Variants in TBC1D12 observed in about 807,000 individuals in gnomAD.
The protein encoded by TBC1D12 is TBC1 domain family member 12, also known as TBC1 domain family, member 12.
In TBC1D12, 56 loss-of-function variants were observed where a neutral mutation model predicts 86.7. That is an observed-to-expected ratio of 0.65 (90% CI 0.52 to 0.81). The LOEUF is 0.81. Among genes scored for constraint, TBC1D12 ranks in the 30% least tolerant of loss-of-function variants. The pLI is 0.00. For missense variants in TBC1D12, 1,023 were observed against 1,038.8 expected (o/e 0.98, Z 0.21); for synonymous variants, 421 against 411.7 (o/e 1.02, Z -0.27).
intron 2 of TBC1D12, among the ~76,000 whole-genome samples, chr10:94,460,107 C>T (rs2055702317): frequency 6.6e-6 from 1 of 152,106 alleles, no homozygotes; most frequent in South Asian, 2.1e-4. Context: ...TGGCACATGC[C>T]TGTAATCCCA....
At chr10:94,484,360 G>T (rs150219431) in intron 3 of TBC1D12, among the ~76,000 whole-genome samples, 2,095 of 150,990 alleles carry the variant, frequency 0.014, 56 homozygotes, top group African/African-American at 0.046. Flanking sequence ...CGATTCTCCT[G>T]CCTCAGCCTC....
At chr10:94,521,221 C>CAAAAAAAAAAA (rs1294257279) in intron 9 of TBC1D12, among the ~76,000 whole-genome samples, 42 of 48,394 alleles carry the variant, frequency 8.7e-4, no homozygotes, top group East Asian at 1.8e-3. Flanking sequence ...AAAAAGAAAC[C>CAAAAAAAAAAA]AAAAAAAAAA....
intron 3 of TBC1D12, among the ~76,000 whole-genome samples, chr10:94,487,665 GT>G (rs2056185945): frequency 8.0e-6 from 1 of 125,194 alleles, no homozygotes; most frequent in South Asian, 2.6e-4. Flanking sequence ...ACTTTTTGTT[GT>G]TTCTTTTTTT....
intron 5 of TBC1D12, among the ~76,000 whole-genome samples, chr10:94,499,204 A>G (rs1284126881): frequency 6.6e-6 from 1 of 152,190 alleles, no homozygotes; most frequent in Non-Finnish European, 1.5e-5. Context: ...ATTTTGAAAC[A>G]TACAGTTCAT....
At chr10:94,519,000 G>A (rs1842073501) in intron 9 of TBC1D12, among the ~76,000 whole-genome samples, 1 of 152,162 alleles carries the variant, frequency 6.6e-6, no homozygotes, top group Non-Finnish European at 1.5e-5. Context: ...ACTTTAACCT[G>A]GGAGGGGAAG....
chr10:94,411,624 C>T (rs749519212), intron 1 of TBC1D12, among the ~76,000 whole-genome samples: 10 of 152,202 alleles, frequency 6.6e-5, no homozygotes, highest in East Asian at 1.9e-4. Flanking sequence ...TCACAGCCTC[C>T]GCCTAGTCAG....
At chr10:94,475,014 AAGTGATCCTCCTGCCTC>A (rs1334493987) in intron 3 of TBC1D12, among the ~76,000 whole-genome samples, 8 of 152,130 alleles carry the variant, frequency 5.3e-5, no homozygotes, top group South Asian at 2.1e-4. Context: ...TCTCAAACTC[AAGTGATCCTCCTGCCTC>A]AGTCTCCCCT....
At chr10:94,500,782 G>A (rs1368546489) in intron 6 of TBC1D12, among the ~76,000 whole-genome samples, 3 of 151,978 alleles carry the variant, frequency 2.0e-5, no homozygotes, top group African/African-American at 7.2e-5. Flanking sequence ...TAGGCCGGGC[G>A]CAGTGGCTCA....
intron 1 of TBC1D12, among the ~76,000 whole-genome samples, chr10:94,409,048 A>C (rs1243674323): frequency 1.3e-5 from 2 of 152,194 alleles, no homozygotes; most frequent in African/African-American, 4.8e-5. Context: ...TTGTGAAGCT[A>C]CCATTATGTT....
At chr10:94,454,402 G>T (rs946766854) in intron 2 of TBC1D12, among the ~76,000 whole-genome samples, 8 of 152,074 alleles carry the variant, frequency 5.3e-5, no homozygotes, top group African/African-American at 1.9e-4. Context: ...GTAGAGACAG[G>T]GTTTCTCCAT....
chr10:94,430,072 A>C (rs1303196109), intron 1 of TBC1D12, among the ~76,000 whole-genome samples: 1 of 151,950 alleles, frequency 6.6e-6, no homozygotes, highest in Admixed American at 6.6e-5. Context: ...ATTTCTAAAA[A>C]AATAGATGGT....
chr10:94,490,767 AG>A (rs2056234781), intron 3 of TBC1D12, among the ~76,000 whole-genome samples: 1 of 152,056 alleles, frequency 6.6e-6, no homozygotes, highest in Admixed American at 6.6e-5. Context: ...CTCACTACTG[AG>A]GCATTATTCT....
intron 1 of TBC1D12, among the ~76,000 whole-genome samples, chr10:94,426,722 G>A (rs528813559): frequency 8.6e-5 from 13 of 151,936 alleles, no homozygotes; most frequent in African/African-American, 1.2e-4. Context: ...GATTACAGGC[G>A]CTCGCCACCA....
chr10:94,511,380 G>A (rs2134207408), intron 8 of TBC1D12, among the ~76,000 whole-genome samples: 1 of 152,200 alleles, frequency 6.6e-6, no homozygotes, highest in East Asian at 1.9e-4. Flanking sequence ...TTATAGGCAT[G>A]AGCCACCGCA....
intron 1 of TBC1D12, among the ~76,000 whole-genome samples, chr10:94,433,936 T>C (rs1343452064): frequency 1.3e-5 from 2 of 152,120 alleles, no homozygotes; most frequent in Non-Finnish European, 2.9e-5. Flanking sequence ...GTGATTAGAG[T>C]TGATAATAGC....
intron 2 of TBC1D12, among the ~76,000 whole-genome samples, chr10:94,473,801 G>A (rs1249026706): frequency 6.6e-6 from 1 of 152,038 alleles, no homozygotes; most frequent in Non-Finnish European, 1.5e-5. Flanking sequence ...AGAAGTTTGG[G>A]AACATTTATG....
chr10:94,463,422 A>G (rs2055758706), intron 2 of TBC1D12, among the ~76,000 whole-genome samples: 1 of 152,188 alleles, frequency 6.6e-6, no homozygotes, highest in Admixed American at 6.5e-5. Context: ...GGAGCTGAAC[A>G]TATGAGCTCA....
chr10:94,423,915 C>G (rs1399149359), intron 1 of TBC1D12, among the ~76,000 whole-genome samples: 1 of 152,148 alleles, frequency 6.6e-6, no homozygotes, highest in East Asian at 1.9e-4. Flanking sequence ...GGTTCCACAT[C>G]TATGGATTCA....
At chr10:94,416,334 C>G (rs1370528743) in intron 1 of TBC1D12, among the ~76,000 whole-genome samples, 1 of 152,126 alleles carries the variant, frequency 6.6e-6, no homozygotes, top group Non-Finnish European at 1.5e-5. Flanking sequence ...TGCTTGAATT[C>G]TTTTACTAAT....
Sources: allele counts gnomAD v4.1 joint callset (sites outside exome capture counted in the v4.1 genomes callset), GRCh38; gene constraint gnomAD v4.1.1; transcripts MANE v1.5; gene names NCBI Gene and HGNC (gene_info 2026-07-23, HGNC 2026-07-21).